Variants in CRK observed in about 807,000 individuals in gnomAD.
The protein encoded by CRK is CRK proto-oncogene, adaptor protein.
In CRK, 4 loss-of-function variants were observed where a neutral mutation model predicts 29.8. The observed-to-expected ratio is 0.13, with a 90% confidence interval of 0.07 to 0.31. The LOEUF (loss-of-function observed/expected upper bound fraction) is 0.31. Among genes scored for constraint, CRK ranks in the 10% least tolerant of loss-of-function variants. The probability of loss-of-function intolerance (pLI) is 1.00; values close to 1 mark genes in which losing one functional copy is unlikely to be tolerated. For synonymous variants in CRK, 153 were observed against 164.9 expected, an observed-to-expected ratio of 0.93 and a Z score of 0.55; for missense variants, 274 against 396.5, an observed-to-expected ratio of 0.69 and a Z score of 2.62.
Position 1,436,621 on chromosome 17 carries a change from T to G in CRK, c.776A>C (p.Glu259Ala). The G allele has an allele frequency of 6.3e-7, 1 of 1,598,336 alleles. No homozygotes were observed. The highest frequency in any genetic ancestry group is 8.5e-7 in the Non-Finnish European group (1 of 1,174,306). Residue 259 changes from glutamate (E) to alanine (A), a missense_variant and splice_region_variant, in exon 2 of 3, where the codon GAG becomes GCG. This residue lies in a region of CRK where 121 missense variants were observed against 154.3 expected (regional missense o/e 0.78). Transcript: ENST00000300574. ...NAYDKTALAL[E>A]VGELVKVTKI... ...TTCTACATTGTGCACGTTATGTACC[T>G]CCAAAGCCAAGGCTGTCTTGTCGTA...
intron 1 of CRK, among the ~76,000 whole-genome samples, chr17:1,438,007 T>C (rs1470113097): frequency 1.3e-5 from 2 of 151,948 alleles, no homozygotes; most frequent in Non-Finnish European, 2.9e-5. Flanking sequence ...CAAGCTCTTG[T>C]TTTTCATGGG....
At chr17:1,436,003 C>T (rs1370677137) in intron 2 of CRK, among the ~76,000 whole-genome samples, 2 of 152,100 alleles carry the variant, frequency 1.3e-5, no homozygotes, top group East Asian at 3.9e-4. Context: ...GATATTTCAT[C>T]AGTAAAGGCA....
In CRK at chr17:1,422,700, A is replaced by C. The variant is rs2073739593; in HGVS notation, c.*813T>G. ...GCTGGATCCCATTAGTTAGGACTCT[A>C]GTTAGCTGCTGTAGAAGGGTGACCT... On this transcript the variant is annotated 3_prime_UTR_variant, in exon 3 of 3. Transcript: ENST00000300574. 5.5e-6 allele frequency: 2 copies of C among 363,044 alleles called. No individual in the cohort carries two copies. The highest frequency in any genetic ancestry group is 9.8e-6 in the Non-Finnish European group (2 of 203,730). The allele number at this position is 363,044 out of a possible 1,614,324, so 22.5% of individuals were successfully genotyped here.
At chr17:1,440,160 G>A (rs760444059) in intron 1 of CRK, among the ~76,000 whole-genome samples, 2 of 152,080 alleles carry the variant, frequency 1.3e-5, no homozygotes, top group Admixed American at 6.6e-5. Flanking sequence ...TTAGCTGGGC[G>A]TGGTGGTGGG....
chr17:1,431,956 T>C (rs1275658167), intron 2 of CRK, among the ~76,000 whole-genome samples: 1 of 152,196 alleles, frequency 6.6e-6, no homozygotes, highest in African/African-American at 2.4e-5. Context: ...AAAATCCTAA[T>C]ATGAATTACC....
At chr17:1,446,294 C>A (rs1298841053) in intron 1 of CRK, among the ~76,000 whole-genome samples, 1 of 152,186 alleles carries the variant, frequency 6.6e-6, no homozygotes, top group Non-Finnish European at 1.5e-5. Context: ...GAATAACGCA[C>A]TGTGTCCTGA....
At chr17:1,441,530 CA>C in intron 1 of CRK, among the ~76,000 whole-genome samples, 1 of 151,672 alleles carries the variant, frequency 6.6e-6, no homozygotes, top group Non-Finnish European at 1.5e-5. Flanking sequence ...ACATTCTTGT[CA>C]CCCAGGCTGG....
chr17:1,453,254 T>C (rs1193249346), intron 1 of CRK, among the ~76,000 whole-genome samples: 2 of 152,204 alleles, frequency 1.3e-5, no homozygotes, highest in Non-Finnish European at 2.9e-5. Flanking sequence ...TGAGTTCTTA[T>C]CTGTTTTGAA....
At chr17:1,433,626 C>G (rs531612943) in intron 2 of CRK, among the ~76,000 whole-genome samples, 27 of 137,460 alleles carry the variant, frequency 2.0e-4, no homozygotes, top group Non-Finnish European at 3.5e-4. Flanking sequence ...TCAAGTGATT[C>G]TCCTGTCTTA....
At chr17:1,426,897 T>C (rs1394343636) in intron 2 of CRK, among the ~76,000 whole-genome samples, 2 of 150,898 alleles carry the variant, frequency 1.3e-5, no homozygotes, top group Non-Finnish European at 3.0e-5. Flanking sequence ...CCAGGCATAG[T>C]AGTGTGCGCC....
At chr17:1,437,211 G>A (rs1450719337) in intron 1 of CRK, 56 bp from the exon 2 acceptor site, 6 of 1,489,124 alleles carry the variant, frequency 4.0e-6, no homozygotes, top group South Asian at 1.4e-5. Flanking sequence ...GAAATGAAAT[G>A]CAGATTTTAT....
chr17:1,430,834 G>A (rs1242605998), intron 2 of CRK, among the ~76,000 whole-genome samples: 25 of 151,726 alleles, frequency 1.6e-4, no homozygotes, highest in Non-Finnish European at 2.1e-4. Context: ...TTGGGAGGCC[G>A]AGGTGGGTGG....
intron 1 of CRK, among the ~76,000 whole-genome samples, chr17:1,452,479 A>G (rs551993147): frequency 6.6e-6 from 1 of 152,176 alleles, no homozygotes; most frequent in African/African-American, 2.4e-5. Context: ...TGTGAGGTAC[A>G]AAGTAATTCT....
chr17:1,456,107 T>A lies in CRK; in HGVS notation c.11A>T (p.Asn4Ile), dbSNP rs774008957. MAG[N>I]FDSEERSSWY... ...GCTACTCCGCTCCTCCGAGTCGAAG[T>A]TGCCCGCCATGGCTGCCTCCGCGCC... Residue 4 changes from asparagine (N) to isoleucine (I), a missense_variant, in exon 1 of 3, where the codon AAC becomes ATC. Asn to Ile is a moderately radical substitution (Grantham distance 149). Around this residue, in one of 3 missense-constraint regions of CRK, gnomAD observed 135 missense variants for 180.9 expected, o/e 0.75. Coordinates refer to ENST00000300574, the MANE Select transcript of CRK (RefSeq NM_016823.4). 2 of 1,548,220 alleles carry A rather than the reference T, an allele frequency of 1.3e-6. No individual in the cohort carries two copies. The highest frequency in any genetic ancestry group is 1.4e-5 in the African/African-American group (1 of 70,338).
At chr17:1,438,481 G>A (rs1225659271) in intron 1 of CRK, among the ~76,000 whole-genome samples, 1 of 151,942 alleles carries the variant, frequency 6.6e-6, no homozygotes, top group East Asian at 1.9e-4. Flanking sequence ...ATCTTTGACA[G>A]CTAAAAGGTA....
At chr17:1,440,076 G>A (rs1421752098) in intron 1 of CRK, among the ~76,000 whole-genome samples, 1 of 151,890 alleles carries the variant, frequency 6.6e-6, no homozygotes, top group Admixed American at 6.6e-5. Flanking sequence ...GAGGCAGGTG[G>A]ATCACAAGGT....
chr17:1,452,838 C>T (rs966886518), intron 1 of CRK, among the ~76,000 whole-genome samples: 1 of 149,782 alleles, frequency 6.7e-6, no homozygotes, highest in African/African-American at 2.4e-5. Flanking sequence ...GGCACAGTGG[C>T]TCACACCTGC....
chr17:1,422,199 T>C lies in CRK; in HGVS notation c.*1314A>G, dbSNP rs2073733051. ...TTTTTTTTGAGACTGAGTCTTGCCC[T>C]GTCGCTCAGGCTGGAACGCAGTGGT... is the stretch of plus-strand genomic sequence containing the variant. On this transcript the variant is annotated 3_prime_UTR_variant, in exon 3 of 3. Coordinates refer to ENST00000300574, the MANE Select transcript of CRK (RefSeq NM_016823.4). 1 of 150,040 alleles carries C rather than the reference T, an allele frequency of 6.7e-6. No individual in the cohort carries two copies. 9.3% of individuals were successfully genotyped at this position (150,040 alleles called of 1,614,324 possible).
intron 2 of CRK, among the ~76,000 whole-genome samples, chr17:1,429,195 A>G (rs2073813294): frequency 6.6e-6 from 1 of 152,000 alleles, no homozygotes; most frequent in South Asian, 2.1e-4. Flanking sequence ...CCAAAATCTA[A>G]AACTTTTTTT....
Sources: allele counts gnomAD v4.1 joint callset (sites outside exome capture counted in the v4.1 genomes callset), GRCh38; gene constraint gnomAD v4.1.1; regional missense constraint gnomAD v4.1.1; transcripts MANE v1.5; gene names NCBI Gene and HGNC (gene_info 2026-07-23, HGNC 2026-07-21).